RABGAP1: variants seen among roughly 807,000 people sequenced by gnomAD.
RABGAP1 encodes rab GTPase-activating protein 1.
Under a neutral mutation model 137.6 loss-of-function variants are expected in RABGAP1, and 23 were observed. The ratio of observed to expected loss-of-function variants is 0.17; its 90% CI spans 0.12 to 0.24. The LOEUF is 0.24. Ranked by LOEUF, RABGAP1 falls within the 10% of genes least tolerant of loss-of-function variation. RABGAP1 has a pLI of 1.00. For missense variants in RABGAP1, 906 were observed against 1,275.8 expected (o/e 0.71, Z 4.42); for synonymous variants, 451 against 450.7 (o/e 1.00, Z -0.01).
intron 25 of RABGAP1, 77 bp downstream of exon 25, chr9:123,101,840 T>G (rs551964495): frequency 1.4e-6 from 2 of 1,420,242 alleles, no homozygotes; most frequent in African/African-American, 2.9e-5. Flanking sequence ...GAAATTATCT[T>G]TATGGTTTGG....
intron 2 of RABGAP1, among the ~76,000 whole-genome samples, chr9:122,983,257 A>G (rs139426765): frequency 5.4e-4 from 82 of 152,260 alleles, no homozygotes; most frequent in Non-Finnish European, 9.0e-4. Context: ...TGATTTAACA[A>G]AGGGTTAAAA....
chr9:122,941,473 G>A (rs1379006052), intron 1 of RABGAP1, among the ~76,000 whole-genome samples: 2 of 152,196 alleles, frequency 1.3e-5, no homozygotes, highest in Non-Finnish European at 2.9e-5. Flanking sequence ...GAATCCAGCC[G>A]CTCCCCCCCG....
intron 21 of RABGAP1, among the ~76,000 whole-genome samples, chr9:123,093,421 A>G (rs551589496): frequency 3.9e-5 from 6 of 152,330 alleles, no homozygotes; most frequent in African/African-American, 1.4e-4. Flanking sequence ...TGATAGGACC[A>G]TGTCCGAGTC....
chr9:123,064,075 TCA>T (rs927192252), intron 13 of RABGAP1, among the ~76,000 whole-genome samples: 6 of 152,174 alleles, frequency 3.9e-5, no homozygotes, highest in African/African-American at 1.4e-4. Context: ...GCTCGCTCTC[TCA>T]TTTTCTCACT....
At chr9:123,094,179 T>C (rs1237581012) in intron 21 of RABGAP1, among the ~76,000 whole-genome samples, 1 of 152,216 alleles carries the variant, frequency 6.6e-6, no homozygotes, top group African/African-American at 2.4e-5. Context: ...ACATATACAA[T>C]CATATCATCT....
intron 13 of RABGAP1, chr9:123,034,109 A>G (rs981123146): frequency 1.2e-5 from 2 of 167,246 alleles, no homozygotes; most frequent in African/African-American, 4.8e-5. Context: ...TGAGCTAGCC[A>G]GGTTCTTTGA....
chr9:122,997,472 C>G, intron 9 of RABGAP1, 111 bp downstream of exon 9: 1 of 650,654 alleles, frequency 1.5e-6, no homozygotes. Context: ...TTTGATGAAA[C>G]CGAAGAATTT....
At chr9:123,076,000 G>T (rs899198840) in intron 17 of RABGAP1, among the ~76,000 whole-genome samples, 1 of 152,198 alleles carries the variant, frequency 6.6e-6, no homozygotes, top group Non-Finnish European at 1.5e-5. Flanking sequence ...CTTTGGAAAA[G>T]CATTTCTTAT....
chr9:123,039,328 A>G (rs2032834734), intron 13 of RABGAP1, among the ~76,000 whole-genome samples: 1 of 152,182 alleles, frequency 6.6e-6, no homozygotes, highest in Non-Finnish European at 1.5e-5. Flanking sequence ...CTCTGAAGGC[A>G]AGGGACAGTG....
intron 6 of RABGAP1, among the ~76,000 whole-genome samples, chr9:122,991,526 A>C (rs1015858403): frequency 1.3e-5 from 2 of 151,934 alleles, no homozygotes; most frequent in Non-Finnish European, 2.9e-5. Flanking sequence ...TGTACAGTGC[A>C]GCTTAAACTT....
At chr9:122,989,217 T>G in intron 4 of RABGAP1, 80 bp from the exon 5 acceptor site, 13 of 1,258,452 alleles carry the variant, frequency 1.0e-5, no homozygotes, top group Non-Finnish European at 1.5e-5. Flanking sequence ...CTAGAAAGAA[T>G]GAGTCTCACA....
intron 13 of RABGAP1, 52 bp from the exon 14 acceptor site, chr9:123,065,296 G>A: frequency 7.6e-7 from 1 of 1,307,492 alleles, no homozygotes; most frequent in South Asian, 1.3e-5. Context: ...ACCTGAATAA[G>A]AGTTTACATG....
chr9:123,083,776 C>T (rs1171367293), intron 19 of RABGAP1, among the ~76,000 whole-genome samples: 1 of 152,192 alleles, frequency 6.6e-6, no homozygotes, highest in East Asian at 1.9e-4. Context: ...GGTAGGTTAA[C>T]ATCGCAGGGT....
chr9:123,100,704 C>G (rs1355884829), intron 24 of RABGAP1, among the ~76,000 whole-genome samples: 1 of 152,142 alleles, frequency 6.6e-6, no homozygotes, highest in Non-Finnish European at 1.5e-5. Flanking sequence ...CAGCTGTGAG[C>G]CACTGCGCCT....
At chr9:122,969,387 A>G (rs1242054137) in intron 2 of RABGAP1, among the ~76,000 whole-genome samples, 1 of 152,222 alleles carries the variant, frequency 6.6e-6, no homozygotes, top group Non-Finnish European at 1.5e-5. Flanking sequence ...TGTGTTTTGT[A>G]GACAAGGAAA....
intron 13 of RABGAP1, among the ~76,000 whole-genome samples, chr9:123,046,632 C>T (rs2033220199): frequency 6.6e-6 from 1 of 152,146 alleles, no homozygotes; most frequent in East Asian, 1.9e-4. Flanking sequence ...AAGCTCTTAG[C>T]GTAGTGCTTG....
intron 13 of RABGAP1, among the ~76,000 whole-genome samples, chr9:123,029,145 G>A (rs995033219): frequency 6.6e-6 from 1 of 152,070 alleles, no homozygotes; most frequent in African/African-American, 2.4e-5. Flanking sequence ...GGATTTCAGA[G>A]GTAGAGTCCT....
At chr9:122,970,632 C>T (rs924300933) in intron 2 of RABGAP1, among the ~76,000 whole-genome samples, 3 of 152,070 alleles carry the variant, frequency 2.0e-5, no homozygotes, top group African/African-American at 4.8e-5. Context: ...CCCTCTGTTG[C>T]AGTCCTCAGT....
intron 13 of RABGAP1, among the ~76,000 whole-genome samples, chr9:123,028,883 G>A (rs2131968663): frequency 6.6e-6 from 1 of 152,224 alleles, no homozygotes; most frequent in East Asian, 1.9e-4. Context: ...AATAGTTGTA[G>A]AGTTGTTAGA....
Sources: allele counts gnomAD v4.1 joint callset (sites outside exome capture counted in the v4.1 genomes callset), GRCh38; gene constraint gnomAD v4.1.1; transcripts MANE v1.5; gene names NCBI Gene and HGNC (gene_info 2026-07-23, HGNC 2026-07-21).